Variants in HSD17B11 observed in about 807,000 individuals in gnomAD.
HSD17B11 encodes the protein hydroxysteroid 17-beta dehydrogenase 11, also known as estradiol 17-beta-dehydrogenase 11.
A neutral mutation model predicts 27.8 loss-of-function variants in HSD17B11; 22 were observed. The ratio of observed to expected loss-of-function variants is 0.79; its 90% CI spans 0.56 to 1.13. The LOEUF is 1.13. Ranked by LOEUF, HSD17B11 falls within the 50% of genes most tolerant of loss-of-function variation. The pLI, the probability that HSD17B11 is intolerant of heterozygous loss-of-function variation, is 0.00. For missense variants in HSD17B11, 314 were observed against 351.1 expected, an observed-to-expected ratio of 0.89 and a Z score of 0.84; for synonymous variants, 117 against 132.8, an observed-to-expected ratio of 0.88 and a Z score of 0.82.
At chr4:87,347,103 A>ATTTTTTTTTTTT (rs763068482) in intron 5 of HSD17B11, among the ~76,000 whole-genome samples, 11 of 62,586 alleles carry the variant, frequency 1.8e-4, no homozygotes, top group Admixed American at 5.2e-4. Context: ...AGTATTCTGG[A>ATTTTTTTTTTTT]TTTTTTTTTT....
intron 5 of HSD17B11, among the ~76,000 whole-genome samples, chr4:87,342,120 T>A (rs1735180732): frequency 6.6e-6 from 1 of 152,214 alleles, no homozygotes; most frequent in African/African-American, 2.4e-5. Flanking sequence ...TGGTGCTCAA[T>A]GCCTGTAATC....
chr4:87,367,132 A>G (rs1343775548), intron 4 of HSD17B11, among the ~76,000 whole-genome samples: 1 of 152,226 alleles, frequency 6.6e-6, no homozygotes, highest in Non-Finnish European at 1.5e-5. Context: ...AGTTGTTTGT[A>G]TAAGTGCAAC....
chr4:87,341,513 T>TAATC (rs1193655750), intron 5 of HSD17B11, among the ~76,000 whole-genome samples: 1 of 152,182 alleles, frequency 6.6e-6, no homozygotes, highest in Non-Finnish European at 1.5e-5. Flanking sequence ...CTTTGTTGTG[T>TAATC]AATCACTCAA....
At chr4:87,378,905 A>AAT (rs1290386830) in intron 2 of HSD17B11, among the ~76,000 whole-genome samples, 1 of 12,366 alleles carries the variant, frequency 8.1e-5, no homozygotes, top group Non-Finnish European at 1.3e-4. Context: ...AATATATATA[A>AAT]ATATATATAT....
At chr4:87,337,401 T>G in intron 6 of HSD17B11, 35 bp from the exon 7 acceptor site, 1 of 1,165,642 alleles carries the variant, frequency 8.6e-7, no homozygotes, top group Non-Finnish European at 1.3e-6. Context: ...ATTAGAAAAT[T>G]AATATTAAGT....
intron 1 of HSD17B11, among the ~76,000 whole-genome samples, chr4:87,387,653 T>C (rs1560773271): frequency 1.3e-5 from 2 of 152,198 alleles, no homozygotes; most frequent in Admixed American, 1.3e-4. Flanking sequence ...TGCCAAACTT[T>C]TGGCCAAATA....
At position 87,336,897 on chromosome 4, in the gene HSD17B11, A is replaced by G. The variant is rs1294999017; in HGVS notation, c.*379T>C. 1.6e-5 allele frequency: 3 copies of G among 183,928 alleles called. No individual in the cohort carries two copies. The highest frequency in any genetic ancestry group is 3.3e-5 in the Non-Finnish European group (3 of 90,052). The allele number at this position is 183,928 out of a possible 1,614,324, so 11.4% of individuals were successfully genotyped here. A position where few individuals can be genotyped will look rare whatever the true frequency, so the allele number is the denominator to read the frequency against. On this transcript the variant is annotated 3_prime_UTR_variant, in exon 7 of 7. Coordinates refer to ENST00000358290, the MANE Select transcript of HSD17B11 (RefSeq NM_016245.5). ...AGTTTCTGATTTTATGTAGAACAGA[A>G]AAAGAAACACAAATTATACAAAATT...
At chr4:87,383,283 GATTAA>G (rs1355119336) in intron 1 of HSD17B11, among the ~76,000 whole-genome samples, 7 of 152,268 alleles carry the variant, frequency 4.6e-5, no homozygotes, top group Middle Eastern at 3.4e-3. Flanking sequence ...AGGAGCCACT[GATTAA>G]ATTATAGTGT....
intron 5 of HSD17B11, among the ~76,000 whole-genome samples, chr4:87,353,732 G>GT (rs386400735): frequency 6.2e-5 from 6 of 97,484 alleles, no homozygotes; most frequent in Admixed American, 3.8e-4. Flanking sequence ...CGGCCTTGTA[G>GT]GGGGGGCAAG....
rs368042641 is a variant in HSD17B11 at position 87,340,529 on chromosome 4, A to C, written c.773T>G (p.Phe258Cys). 1.2e-6 allele frequency: 2 copies of C among 1,610,430 alleles called. No individual in the cohort carries two copies. Among genetic ancestry groups the C allele is most frequent in the Non-Finnish European group, 1.7e-6 (2 of 1,178,156 alleles). ...HGILTEQKMI[F>C]IPSSIAFLTT... is the part of the protein sequence containing the mutation. ...TAAAAAAGCTATAGAAGATGGAATA[A>C]AAATCATCTTCTGCTCAGTCAGAAT... is the stretch of plus-strand genomic sequence containing the variant. Residue 258 changes from phenylalanine (F) to cysteine (C), a missense_variant, in exon 6 of 7, where the codon TTT (phenylalanine) becomes TGT (cysteine). Transcript: ENST00000358290.
intron 2 of HSD17B11, among the ~76,000 whole-genome samples, chr4:87,375,134 AG>A (rs1735794765): frequency 6.6e-6 from 1 of 152,162 alleles, no homozygotes; most frequent in Non-Finnish European, 1.5e-5. Context: ...CCTGATCTCA[AG>A]TGATCTGCCC....
At position 87,374,820 on chromosome 4, in the gene HSD17B11, T is replaced by G. The variant is rs760051322; in HGVS notation, c.329A>C (p.Glu110Ala). 1 of 1,577,098 alleles carries G rather than the reference T, an allele frequency of 6.3e-7. No homozygotes were observed. Among genetic ancestry groups the G allele is most frequent in the African/African-American group, 1.4e-5 (1 of 72,978 alleles). ...IYSSAKKVKAEIGDVSILVNN... is the reference protein window; with the variant it reads ...IYSSAKKVKAAIGDVSILVNN... ...TACTAAAATACTAACATCTCCAATT[T>G]CTGCCTTCACCTTCAAAAAATAAAA... The change falls in exon 3 of 7, where the codon GAA (glutamate) becomes GCA (alanine). Residue 110 changes from glutamate (E) to alanine (A), a missense_variant. Transcript: ENST00000358290.
At chr4:87,344,802 C>T (rs929653406) in intron 5 of HSD17B11, among the ~76,000 whole-genome samples, 3 of 152,152 alleles carry the variant, frequency 2.0e-5, no homozygotes, top group Admixed American at 2.0e-4. Context: ...AAACTATGTT[C>T]TCTGACTACA....
At chr4:87,353,802 C>T (rs1735330121) in intron 5 of HSD17B11, among the ~76,000 whole-genome samples, 1 of 152,158 alleles carries the variant, frequency 6.6e-6, no homozygotes, top group African/African-American at 2.4e-5. Flanking sequence ...TACTGAAAGA[C>T]AGTATGACTT....
rs193041918 is a variant in HSD17B11, at chr4:87,382,037, C to A, written c.318+218G>T. Among the ~76,000 whole-genome samples the A allele has an allele frequency of 3.3e-3, 499 of 152,202 alleles. 3 individuals are homozygous for A. The highest frequency in any genetic ancestry group is 0.011 in the African/African-American group (463 of 41,506). ...AGTGGAGCCCAAGAGTATATATATA[C>A]ATTTTTAACAACTCCCTGGAAAATT... On this transcript the variant is annotated intron_variant, in intron 2 of 6. Transcript: ENST00000358290.
At chr4:87,358,252 C>T (rs553702846) in intron 4 of HSD17B11, among the ~76,000 whole-genome samples, 16 of 152,078 alleles carry the variant, frequency 1.1e-4, no homozygotes, top group Non-Finnish European at 1.6e-4. Flanking sequence ...TGAGCCACCA[C>T]GCCCAGCTGA....
chr4:87,363,905 A>C (rs1487781122), intron 4 of HSD17B11, among the ~76,000 whole-genome samples: 1 of 152,148 alleles, frequency 6.6e-6, no homozygotes. Flanking sequence ...AGCACCTAGG[A>C]GTTTACCTTT....
chr4:87,337,392 T>C, intron 6 of HSD17B11, 26 bp from the exon 7 acceptor site: 1 of 1,288,588 alleles, frequency 7.8e-7, no homozygotes, highest in Non-Finnish European at 1.1e-6. Context: ...ATGCAAATAA[T>C]TAGAAAATTA....
At chr4:87,377,572 T>G (rs1028841355) in intron 2 of HSD17B11, among the ~76,000 whole-genome samples, 2 of 152,186 alleles carry the variant, frequency 1.3e-5, no homozygotes, top group Non-Finnish European at 2.9e-5. Flanking sequence ...CTAAGAAAGA[T>G]CATAGAATCT....
Sources: allele counts gnomAD v4.1 joint callset (sites outside exome capture counted in the v4.1 genomes callset), GRCh38; gene constraint gnomAD v4.1.1; transcripts MANE v1.5; gene names NCBI Gene and HGNC (gene_info 2026-07-23, HGNC 2026-07-21).